Variants in GALNS observed in about 807,000 individuals in gnomAD.
GALNS encodes the protein galactosamine (N-acetyl)-6-sulfatase.
GALNS carries 65 observed loss-of-function variants against 65.9 expected under a neutral mutation model. That is an observed-to-expected ratio of 0.99 (90% CI 0.81 to 1.21). GALNS has a LOEUF of 1.21. Ranked by LOEUF, GALNS falls within the 50% of genes most tolerant of loss-of-function variation. The probability of loss-of-function intolerance (pLI) is 0.00; values close to 1 mark genes in which losing one functional copy is unlikely to be tolerated. For synonymous variants in GALNS, 346 were observed against 288.9 expected (o/e 1.20, Z -2.00); for missense variants, 776 against 700.7 (o/e 1.11, Z -1.21).
intron 13 of GALNS, chr16:88,817,144 G>A (rs998704477): frequency 2.0e-5 from 20 of 985,466 alleles, no homozygotes; most frequent in African/African-American, 7.0e-5. Context: ...CTGCACACGC[G>A]GGATGGCTGG....
At chr16:88,837,991 G>A (rs112344199) in intron 4 of GALNS, 1 of 553,086 alleles carries the variant, frequency 1.8e-6, no homozygotes, top group African/African-American at 1.9e-5. Flanking sequence ...ACAACCGAGG[G>A]CGGCAGGCAT....
chr16:88,841,408 G>C (rs1243601405), intron 3 of GALNS, among the ~76,000 whole-genome samples: 2 of 152,066 alleles, frequency 1.3e-5, no homozygotes, highest in African/African-American at 4.8e-5. Flanking sequence ...CCACCTGCCT[G>C]GTCTCCAGGG....
In GALNS at chr16:88,826,833, G is replaced by A. The variant is rs886052456; in HGVS notation, c.1008C>T (p.Ser336=). ...GGTCCATGATGCTGCCCAGCTGGTG[G>A]CTCACCTGAAACACATGGCAGCAAC... is the stretch of plus-strand genomic sequence containing the variant. ...WPGHVTAGQV[S]HQLGSIMDLF... is the part of the protein sequence containing the mutation. Residue 336 remains serine (S), a synonymous_variant, in exon 10 of 14, where the codon AGC becomes AGT. Coordinates refer to ENST00000268695, the MANE Select transcript of GALNS (RefSeq NM_000512.5). The A allele has an allele frequency of 8.2e-6, 13 of 1,578,228 alleles. No individual in the cohort carries two copies. The East Asian group carries it at 1.6e-4, about 20-fold the overall frequency.
chr16:88,827,155 G>T, intron 9 of GALNS: 1 of 495,580 alleles, frequency 2.0e-6, no homozygotes, highest in Non-Finnish European at 3.7e-6. Flanking sequence ...TGTCCGGAGA[G>T]GATCAGCCTC....
intron 9 of GALNS, among the ~76,000 whole-genome samples, chr16:88,828,302 C>T (rs2142996828): frequency 6.6e-6 from 1 of 152,342 alleles, no homozygotes; most frequent in African/African-American, 2.4e-5. Flanking sequence ...GTGGTGTCAG[C>T]ACAGGCAGGG....
At chr16:88,824,917 G>A (rs200966963) in intron 10 of GALNS, 48 bp from the exon 11 acceptor site, 2 of 1,507,704 alleles carry the variant, frequency 1.3e-6, no homozygotes, top group East Asian at 2.3e-5. Context: ...AGGACACGCT[G>A]GGGCCACCTG....
chr16:88,833,812 G>C (rs1338074966), intron 8 of GALNS, among the ~76,000 whole-genome samples: 2 of 152,202 alleles, frequency 1.3e-5, no homozygotes, highest in Non-Finnish European at 2.9e-5. Flanking sequence ...TGCTGGGTGT[G>C]TGGGTTCTCA....
At chr16:88,848,251 T>C (rs1448468073) in intron 1 of GALNS, among the ~76,000 whole-genome samples, 1 of 152,114 alleles carries the variant, frequency 6.6e-6, no homozygotes, top group Non-Finnish European at 1.5e-5. Flanking sequence ...GATGTGACGA[T>C]GTGTGGTGGC....
chr16:88,836,124 G>A (rs1485557942), intron 6 of GALNS, 77 bp downstream of exon 6: 4 of 1,353,464 alleles, frequency 3.0e-6, no homozygotes, highest in Middle Eastern at 1.8e-4. Context: ...CTGTCCCCAC[G>A]CCTCCCACAG....
At chr16:88,837,543 C>A in intron 5 of GALNS, 79 bp downstream of exon 5, 1 of 1,473,784 alleles carries the variant, frequency 6.8e-7, no homozygotes, top group Non-Finnish European at 9.4e-7. Flanking sequence ...CTTGAGCCCA[C>A]CAGTGCTAGA....
chr16:88,825,568 T>A (rs1408408072), intron 10 of GALNS, among the ~76,000 whole-genome samples: 1 of 74,956 alleles, frequency 1.3e-5, no homozygotes, highest in Non-Finnish European at 3.3e-5. Flanking sequence ...GGGACTGGGA[T>A]TCCTGGGCAG....
Position 88,842,701 on chromosome 16 carries a change from C to G in GALNS, c.244+5G>C. On this transcript the variant is annotated splice_donor_5th_base_variant and intron_variant, in intron 2 of 13. Transcript: ENST00000268695. ...TTCCTGGGGGCGAGGGCCCCGCTGA[C>G]TTACATGGCGAGCACAGAGGGTTGG... is the stretch of plus-strand genomic sequence containing the variant. 1 of 1,612,404 alleles carries G rather than the reference C, an allele frequency of 6.2e-7. No individual in the cohort carries two copies. The highest frequency in any genetic ancestry group is 8.5e-7 in the Non-Finnish European group (1 of 1,179,604).
rs1372436014 is a variant in GALNS, at chr16:88,826,874, T to G, written c.1003-36A>C. On this transcript the variant is annotated intron_variant, in intron 9 of 13. Transcript: ENST00000268695. ...TGGCAGCAACACGGTCAGGGCACTC[T>G]GCACCGACCCGATGGGGCTGGGGGC... The G allele has an allele frequency of 4.5e-6, 7 of 1,554,690 alleles. No individual in the cohort carries two copies. The Admixed American group carries it at 1.2e-4, about 26-fold the overall frequency.
At chr16:88,819,628 G>C (rs966968006) in intron 12 of GALNS, among the ~76,000 whole-genome samples, 2 of 152,164 alleles carry the variant, frequency 1.3e-5, no homozygotes, top group African/African-American at 4.8e-5. Flanking sequence ...GACCTTCCAG[G>C]CTCAAGCGAT....
intron 8 of GALNS, among the ~76,000 whole-genome samples, chr16:88,832,955 G>A (rs1453382908): frequency 2.6e-5 from 4 of 151,744 alleles, no homozygotes; most frequent in African/African-American, 9.7e-5. Context: ...GGCACGTCCT[G>A]TAGTCCCAGC....
intron 13 of GALNS, 74 bp downstream of exon 13, chr16:88,817,933 C>T (rs919262138): frequency 6.4e-6 from 8 of 1,243,530 alleles, no homozygotes; most frequent in East Asian, 2.5e-5. Flanking sequence ...GTGCTGGCCA[C>T]GGTTCATCCT....
intron 13 of GALNS, chr16:88,817,093 G>A: frequency 1.0e-6 from 1 of 985,444 alleles, no homozygotes; most frequent in Non-Finnish European, 1.2e-6. Context: ...GCCCTGCTGG[G>A]ACCCACATCA....
intron 5 of GALNS, among the ~76,000 whole-genome samples, chr16:88,836,576 C>T (rs1912163632): frequency 6.6e-6 from 1 of 152,152 alleles, no homozygotes; most frequent in African/African-American, 2.4e-5. Context: ...ATTGCTTGAA[C>T]CCAGGAGGCG....
At chr16:88,822,899 A>G (rs1910395964) in intron 11 of GALNS, among the ~76,000 whole-genome samples, 189 bp from the exon 12 acceptor site, 1 of 152,172 alleles carries the variant, frequency 6.6e-6, no homozygotes. Context: ...CCTGGTACTC[A>G]GCATGGTGCA....
Sources: gnomAD v4.1 joint callset for allele counts (sites outside exome capture counted in the v4.1 genomes callset) on GRCh38, gnomAD v4.1.1 for gene constraint, MANE v1.5 for transcripts, NCBI Gene and HGNC (gene_info 2026-07-23, HGNC 2026-07-21) for gene names.